Variants in ETFA observed in about 807,000 individuals in gnomAD.
ETFA encodes electron transfer flavoprotein subunit alpha, also known as electron transfer flavoprotein subunit alpha, mitochondrial.
Under a neutral mutation model 46.2 loss-of-function variants are expected in ETFA, and 22 were observed. That is an observed-to-expected ratio of 0.48 (90% CI 0.34 to 0.68). The LOEUF (loss-of-function observed/expected upper bound fraction) is 0.68. ETFA is among the 30% of genes least tolerant of loss of function. ETFA has a pLI of 0.01. For missense variants in ETFA, 345 were observed against 401.1 expected, an observed-to-expected ratio of 0.86 and a Z score of 1.19; for synonymous variants, 131 against 139.9, an observed-to-expected ratio of 0.94 and a Z score of 0.45.
At chr15:76,257,164 C>G (rs1367358594) in intron 9 of ETFA, among the ~76,000 whole-genome samples, 1 of 152,164 alleles carries the variant, frequency 6.6e-6, no homozygotes, top group Non-Finnish European at 1.5e-5. Flanking sequence ...CCCATGCATT[C>G]CAGAGGTTCC....
chr15:76,254,990 T>A (rs1360342662), intron 9 of ETFA, among the ~76,000 whole-genome samples: 2 of 152,320 alleles, frequency 1.3e-5, no homozygotes, highest in East Asian at 1.9e-4. Context: ...TACATTTTTT[T>A]AAACTTTTAT....
intron 11 of ETFA, among the ~76,000 whole-genome samples, chr15:76,224,920 C>A (rs1440971879): frequency 6.6e-6 from 1 of 152,116 alleles, no homozygotes. Context: ...TAATTAATAT[C>A]ATGAAAGTAA....
chr15:76,291,223 A>C (rs2039758117), intron 4 of ETFA, among the ~76,000 whole-genome samples: 1 of 152,078 alleles, frequency 6.6e-6, no homozygotes, highest in African/African-American at 2.4e-5. Flanking sequence ...CAGGCAGATC[A>C]CCTGAGGTCA....
chr15:76,218,220 A>G (rs1400536926), intron 11 of ETFA, among the ~76,000 whole-genome samples: 1 of 152,230 alleles, frequency 6.6e-6, no homozygotes, highest in African/African-American at 2.4e-5. Flanking sequence ...GAAAGGGTTG[A>G]GAGGATTTTC....
intron 8 of ETFA, among the ~76,000 whole-genome samples, chr15:76,277,163 T>C (rs1411075708): frequency 1.3e-5 from 2 of 152,200 alleles, no homozygotes; most frequent in Admixed American, 1.3e-4. Context: ...CTGTGAACTT[T>C]ACACATGCTT....
intron 9 of ETFA, among the ~76,000 whole-genome samples, chr15:76,257,402 A>C (rs1040651419): frequency 6.6e-6 from 1 of 152,196 alleles, no homozygotes; most frequent in African/African-American, 2.4e-5. Flanking sequence ...ATGCAGCCAA[A>C]AGACACATGA....
At chr15:76,294,728 T>C (rs1319428791) in intron 2 of ETFA, among the ~76,000 whole-genome samples, 3 of 152,156 alleles carry the variant, frequency 2.0e-5, no homozygotes, top group Non-Finnish European at 2.9e-5. Flanking sequence ...TTTATATTTT[T>C]AGTAGAGACA....
chr15:76,239,443 C>T (rs2039162086), intron 9 of ETFA, among the ~76,000 whole-genome samples: 1 of 152,136 alleles, frequency 6.6e-6, no homozygotes, highest in Admixed American at 6.6e-5. Flanking sequence ...ATACAATCCA[C>T]TCTTATTAAC....
intron 9 of ETFA, among the ~76,000 whole-genome samples, chr15:76,244,081 C>A (rs1417900442): frequency 4.6e-5 from 7 of 152,096 alleles, no homozygotes; most frequent in Admixed American, 4.6e-4. Context: ...AATGGAGTTT[C>A]TCCATGTTGG....
At chr15:76,237,001 A>G (rs907204782) in intron 9 of ETFA, among the ~76,000 whole-genome samples, 1 of 152,218 alleles carries the variant, frequency 6.6e-6, no homozygotes, top group African/African-American at 2.4e-5. Flanking sequence ...ACAAAACACC[A>G]AAAAAGGAAG....
chr15:76,308,465 A>C (rs561091698), intron 1 of ETFA, among the ~76,000 whole-genome samples: 1 of 152,342 alleles, frequency 6.6e-6, no homozygotes, highest in Admixed American at 6.5e-5. Flanking sequence ...ATGCACGGGG[A>C]ACACAATACC....
At chr15:76,220,594 C>T (rs377549299) in intron 11 of ETFA, among the ~76,000 whole-genome samples, 11 of 152,138 alleles carry the variant, frequency 7.2e-5, no homozygotes, top group African/African-American at 2.7e-4. Context: ...CAAAAAGGGA[C>T]TTATATCCAT....
At chr15:76,310,973 A>G (rs1220325650) in intron 1 of ETFA, among the ~76,000 whole-genome samples, 1 of 152,066 alleles carries the variant, frequency 6.6e-6, no homozygotes, top group Non-Finnish European at 1.5e-5. Context: ...CCAACAGGGC[A>G]TTCCCCGGTG....
chr15:76,260,125 T>C, intron 9 of ETFA: 1 of 1,484,900 alleles, frequency 6.7e-7, no homozygotes. Flanking sequence ...TGAACCAAAC[T>C]CTCCTTTGCC....
chr15:76,284,147 T>C lies in ETFA; in HGVS notation c.665-322A>G, dbSNP rs528000515. Reference sequence around the variant, plus strand: ...ATATTTAGCAAAACTCTACATATAATAGATGCTCAATAAATTTCTCTGAAT... The same window carrying C: ...ATATTTAGCAAAACTCTACATATAACAGATGCTCAATAAATTTCTCTGAAT... On this transcript the variant is annotated intron_variant, in intron 7 of 11. Coordinates refer to ENST00000557943, the MANE Select transcript of ETFA (RefSeq NM_000126.4). Among the ~76,000 whole-genome samples, 5 of 152,328 alleles carry C rather than the reference T, an allele frequency of 3.3e-5. No homozygotes were observed. The East Asian group carries it at 7.7e-4, about 23-fold the overall frequency.
At chr15:76,265,592 G>A (rs1342950435) in intron 9 of ETFA, among the ~76,000 whole-genome samples, 8 of 152,148 alleles carry the variant, frequency 5.3e-5, no homozygotes, top group Admixed American at 2.0e-4. Context: ...CACGGGTATC[G>A]TTGGCGTAGG....
At position 76,299,947 on chromosome 15, in the gene ETFA, G is replaced by A. The variant is rs115445529; in HGVS notation, c.40-4210C>T. Reference sequence around the variant, plus strand: ...GGCTCTCCCCATTTGCAACAATCCTGCTAAAAAGCCACAAACCCACATTCA... The same window carrying A: ...GGCTCTCCCCATTTGCAACAATCCTACTAAAAAGCCACAAACCCACATTCA... On this transcript the variant is annotated intron_variant, in intron 1 of 11. Transcript: ENST00000557943. Among the ~76,000 whole-genome samples the A allele has an allele frequency of 5.6e-3, 846 of 152,166 alleles. 15 individuals are homozygous for A. Among genetic ancestry groups the A allele is most frequent in the African/African-American group, 0.02 (813 of 41,502 alleles).
intron 4 of ETFA, among the ~76,000 whole-genome samples, chr15:76,291,834 G>A (rs186696823): frequency 5.7e-4 from 86 of 151,812 alleles, no homozygotes; most frequent in Non-Finnish European, 9.7e-4. Context: ...TAACACCCAC[G>A]GCCACAGAGA....
chr15:76,251,699 T>C (rs1056555723), intron 9 of ETFA, among the ~76,000 whole-genome samples: 1 of 152,186 alleles, frequency 6.6e-6, no homozygotes, highest in African/African-American at 2.4e-5. Flanking sequence ...AACTCCACTT[T>C]TTCCCATATT....
Sources: gnomAD v4.1 joint callset for allele counts (sites outside exome capture counted in the v4.1 genomes callset) on GRCh38, gnomAD v4.1.1 for gene constraint, MANE v1.5 for transcripts, NCBI Gene and HGNC (gene_info 2026-07-23, HGNC 2026-07-21) for gene names.